The following NLGN1 variants were observed in gnomAD, a reference collection of about 807,000 sequenced individuals.
NLGN1 encodes the protein neuroligin-1.
In NLGN1, 12 loss-of-function variants were observed where a neutral mutation model predicts 65.5. The observed-to-expected ratio is 0.18, with a 90% CI of 0.12 to 0.30. The LOEUF is 0.30. Among genes scored for constraint, NLGN1 ranks in the 10% least tolerant of loss-of-function variants. NLGN1 has a pLI of 1.00. For missense variants in NLGN1, 750 were observed against 1,007.1 expected (o/e 0.74, Z 3.46); for synonymous variants, 350 against 359.5 (o/e 0.97, Z 0.30).
At chr3:174,124,721 C>T (rs555081605) in intron 4 of NLGN1, among the ~76,000 whole-genome samples, 33 of 148,672 alleles carry the variant, frequency 2.2e-4, no homozygotes, top group Middle Eastern at 3.8e-3. Flanking sequence ...TATATTTATA[C>T]GTATATGTGT....
rs891708062 is a variant in NLGN1 at position 173,890,744 on chromosome 3, G to A, written c.646+82912G>A. On this transcript the variant is annotated intron_variant, in intron 4 of 6. Coordinates refer to ENST00000457714, the Ensembl canonical transcript of NLGN1. ...TCCTAGTTATAAACCCATCCATAGC[G>A]TGGTCTCTAATGGAAAAATCCGAGA... Among the ~76,000 whole-genome samples, 4 of 152,088 alleles carry A rather than the reference G, an allele frequency of 2.6e-5. No homozygotes were observed. The South Asian group carries it at 6.2e-4, about 24-fold the overall frequency.
intron 4 of NLGN1, among the ~76,000 whole-genome samples, chr3:174,177,138 A>G (rs935378829): frequency 2.6e-5 from 4 of 152,130 alleles, no homozygotes; most frequent in African/African-American, 4.8e-5. Context: ...TTTGGAAACT[A>G]TCTCAGAGAT....
chr3:174,097,693 G>A (rs901818424), intron 4 of NLGN1, among the ~76,000 whole-genome samples: 9 of 152,066 alleles, frequency 5.9e-5, no homozygotes, highest in Admixed American at 1.3e-4. Context: ...AATATGTAAT[G>A]GAAAAATATC....
At chr3:173,429,995 C>A (rs1716896173) in intron 1 of NLGN1, among the ~76,000 whole-genome samples, 1 of 152,184 alleles carries the variant, frequency 6.6e-6, no homozygotes, top group Non-Finnish European at 1.5e-5. Flanking sequence ...CCTCTAGTTT[C>A]TCTTAGAAGC....
intron 2 of NLGN1, among the ~76,000 whole-genome samples, chr3:173,484,938 C>A (rs2148983196): frequency 6.6e-6 from 1 of 152,058 alleles, no homozygotes; most frequent in South Asian, 2.1e-4. Context: ...CCCTTCCACT[C>A]TATAAGTCAG....
At chr3:173,978,736 C>G (rs1718080975) in intron 4 of NLGN1, among the ~76,000 whole-genome samples, 1 of 151,302 alleles carries the variant, frequency 6.6e-6, no homozygotes, top group South Asian at 2.1e-4. Flanking sequence ...TGGCTCATAC[C>G]TGTAATCCCA....
intron 4 of NLGN1, among the ~76,000 whole-genome samples, chr3:174,014,304 C>G (rs112709359): frequency 0.032 from 4,808 of 152,248 alleles, 221 homozygotes; most frequent in African/African-American, 0.097. Flanking sequence ...ACAATAAACT[C>G]CAGACTTCTT....
At chr3:173,675,850 C>T (rs1763066493) in intron 3 of NLGN1, among the ~76,000 whole-genome samples, 1 of 146,876 alleles carries the variant, frequency 6.8e-6, no homozygotes, top group Non-Finnish European at 1.5e-5. Flanking sequence ...CTGTCTCTCT[C>T]TCTTTCTCTC....
At chr3:173,848,859 A>C (rs1304605383) in intron 4 of NLGN1, among the ~76,000 whole-genome samples, 1 of 152,210 alleles carries the variant, frequency 6.6e-6, no homozygotes, top group East Asian at 1.9e-4. Context: ...ATTAAATAGG[A>C]TATACCAACA....
chr3:173,723,603 T>G (rs1487196314), intron 3 of NLGN1, among the ~76,000 whole-genome samples: 1 of 152,192 alleles, frequency 6.6e-6, no homozygotes, highest in Admixed American at 6.5e-5. Flanking sequence ...CAATGATCAC[T>G]ATGTTATAAC....
At chr3:173,667,153 G>A (rs1348980361) in intron 3 of NLGN1, among the ~76,000 whole-genome samples, 2 of 151,824 alleles carry the variant, frequency 1.3e-5, no homozygotes, top group Non-Finnish European at 2.9e-5. Flanking sequence ...TTTGTGTGAT[G>A]TAACATTATT....
chr3:173,447,029 A>G (rs1720496692), intron 2 of NLGN1, among the ~76,000 whole-genome samples: 1 of 152,032 alleles, frequency 6.6e-6, no homozygotes, highest in Non-Finnish European at 1.5e-5. Context: ...GTTCACTCTG[A>G]TGGTGGTTTC....
chr3:173,683,819 A>G (rs1394423624), intron 3 of NLGN1, among the ~76,000 whole-genome samples: 1 of 152,108 alleles, frequency 6.6e-6, no homozygotes, highest in Admixed American at 6.6e-5. Flanking sequence ...TTCAAATGTA[A>G]ACATCATTTC....
intron 3 of NLGN1, among the ~76,000 whole-genome samples, chr3:173,687,429 T>C (rs573861629): frequency 2.0e-5 from 3 of 152,314 alleles, no homozygotes; most frequent in Non-Finnish European, 4.4e-5. Context: ...AATCACTAAA[T>C]AGCTAAAAGG....
intron 4 of NLGN1, among the ~76,000 whole-genome samples, chr3:173,851,115 C>G (rs1014902513): frequency 4.6e-5 from 7 of 151,996 alleles, no homozygotes; most frequent in African/African-American, 1.7e-4. Flanking sequence ...GGTTTTATAT[C>G]CGATTGATCA....
At chr3:173,449,572 A>G (rs548433335) in intron 2 of NLGN1, among the ~76,000 whole-genome samples, 4,443 of 152,256 alleles carry the variant, frequency 0.029, 218 homozygotes, top group African/African-American at 0.099. Flanking sequence ...GTAGATGTCT[A>G]TTAGGTCCGC....
At chr3:174,013,439 AAAT>A (rs1294157224) in intron 4 of NLGN1, among the ~76,000 whole-genome samples, 3 of 152,228 alleles carry the variant, frequency 2.0e-5, no homozygotes, top group East Asian at 1.9e-4. Flanking sequence ...TATTTCTGCA[AAAT>A]AATAATATTT....
At chr3:173,711,062 A>G (rs551769891) in intron 3 of NLGN1, among the ~76,000 whole-genome samples, 28 of 152,322 alleles carry the variant, frequency 1.8e-4, no homozygotes, top group Middle Eastern at 3.4e-3. Flanking sequence ...ATTAGTCTAC[A>G]CAGGCAAGAA....
At chr3:173,455,750 A>ATG in intron 2 of NLGN1, among the ~76,000 whole-genome samples, 1 of 152,160 alleles carries the variant, frequency 6.6e-6, no homozygotes, top group South Asian at 2.1e-4. Flanking sequence ...ATATGTATAT[A>ATG]TGTGTGTGTG....
Sources: gnomAD v4.1 joint callset for allele counts (sites outside exome capture counted in the v4.1 genomes callset) on GRCh38, gnomAD v4.1.1 for gene constraint, MANE v1.5 for transcripts, NCBI Gene and HGNC (gene_info 2026-07-23, HGNC 2026-07-21) for gene names.